Variants in CHD1L observed in about 807,000 individuals in gnomAD.
CHD1L encodes the protein chromodomain helicase DNA binding protein 1 like.
Under a neutral mutation model 115.9 loss-of-function variants are expected in CHD1L, and 118 were observed. That is an observed-to-expected ratio of 1.02 (90% CI 0.88 to 1.19). The LOEUF is 1.19. CHD1L is among the 50% of genes most tolerant of loss of function. The probability of loss-of-function intolerance (pLI) is 0.00; values close to 1 mark genes in which losing one functional copy is unlikely to be tolerated. For missense variants in CHD1L, 1,179 were observed against 1,065.3 expected (o/e 1.11, Z -1.49); for synonymous variants, 411 against 387.1 (o/e 1.06, Z -0.72).
chr1:147,235,468 A>C, the CHD1L span, among the ~76,000 whole-genome samples: 1 of 152,062 alleles, frequency 6.6e-6, no homozygotes, highest in African/African-American at 2.4e-5. Context: ...TTTCAGAAGC[A>C]CTCTGATTGT....
At chr1:147,203,462 G>C in the CHD1L span, 7 of 829,114 alleles carry the variant, frequency 8.4e-6, no homozygotes, top group Non-Finnish European at 1.5e-5. Flanking sequence ...GTTACAGCAG[G>C]GACTACAGCC....
At chr1:147,179,386 A>G in the CHD1L span, 3 of 1,599,314 alleles carry the variant, frequency 1.9e-6, no homozygotes, top group Non-Finnish European at 2.6e-6. Context: ...GAAGCTCAGC[A>G]AAGACCTGAA....
chr1:147,291,747 C>G (rs868974979), intron 20 of CHD1L, among the ~76,000 whole-genome samples, 195 bp downstream of exon 20: 5 of 152,240 alleles, frequency 3.3e-5, no homozygotes, highest in Middle Eastern at 3.4e-3. Context: ...AGTCCAAGAT[C>G]AAGGTATCGG....
chr1:147,204,329 T>A, the CHD1L span: 2 of 960,124 alleles, frequency 2.1e-6, no homozygotes, highest in Non-Finnish European at 1.7e-6. Context: ...CAAACTCTGA[T>A]GTTATCAACT....
intron 1 of CHD1L, 189 bp downstream of exon 1, chr1:147,243,019 C>T (rs1665278186): frequency 1.6e-6 from 1 of 624,010 alleles, no homozygotes; most frequent in Non-Finnish European, 2.3e-6. Flanking sequence ...CCCGCCTGCG[C>T]GGCGCGCGGG....
chr1:147,290,439 C>A (rs1685062561), intron 19 of CHD1L, among the ~76,000 whole-genome samples: 2 of 152,126 alleles, frequency 1.3e-5, no homozygotes, highest in African/African-American at 2.4e-5. Context: ...AATCAGTTAT[C>A]CTTGGCTACA....
At chr1:147,202,309 G>GTCTTTT in the CHD1L span, among the ~76,000 whole-genome samples, 3 of 118,434 alleles carry the variant, frequency 2.5e-5, no homozygotes, top group Non-Finnish European at 5.1e-5. Flanking sequence ...CTAAAAAGCA[G>GTCTTTT]TTCTTTTTTT....
Position 147,293,641 on chromosome 1 carries a change from T to C in CHD1L, c.2425T>C (p.Ser809Pro), listed in dbSNP as rs1553973045. The C allele has an allele frequency of 6.2e-7, 1 of 1,614,138 alleles. No homozygotes were observed. The highest frequency in any genetic ancestry group is 2.2e-5 in the East Asian group (1 of 44,880). ...ALIVAQHRDR[S>P]NVLSGIKMAA... The stretch of plus-strand genomic sequence containing the variant: ...GATTGTGGCTCAGCATCGTGATCGT[T>C]CCAATGTCCTGTCTGGCATTAAGAT... The change falls in exon 21 of 23, where the codon TCC becomes CCC. Residue 809 changes from serine to proline, a missense_variant. By Grantham distance (74) the Ser-to-Pro change is moderately conservative (BLOSUM62 -1). Transcript: ENST00000369258.
In CHD1L at chr1:147,255,041, G is replaced by T. The variant is rs376740781; in HGVS notation, c.347+65G>T. On this transcript the variant is annotated intron_variant, in intron 3 of 22. Transcript: ENST00000369258. ...GATTAAGATTTTTTTTCTGGATGAT[G>T]TATAAAATATGATAAAACAACCTAT... 8 of 1,222,724 alleles carry T rather than the reference G, an allele frequency of 6.5e-6. No homozygotes were observed. In the African/African-American group the frequency reaches 7.6e-5, roughly 12 times the overall value. 75.7% of individuals were successfully genotyped at this position (1,222,724 alleles called of 1,614,324 possible).
At chr1:147,291,613 T>TGTCC (rs1183570522) in intron 20 of CHD1L, 61 bp downstream of exon 20, 3 of 1,389,668 alleles carry the variant, frequency 2.2e-6, no homozygotes, top group African/African-American at 1.4e-5. Flanking sequence ...TCTCTTGAAG[T>TGTCC]GTCCCCTGCC....
chr1:147,272,106 T>G (rs1450299381), intron 11 of CHD1L, 65 bp from the exon 12 acceptor site: 3 of 1,424,596 alleles, frequency 2.1e-6, no homozygotes, highest in Non-Finnish European at 2.9e-6. Flanking sequence ...TTGGGCTTAA[T>G]TTTTTATTCC....
At chr1:147,275,496 C>G (rs1488049874) in intron 13 of CHD1L, 28 bp downstream of exon 13, 3 of 1,547,698 alleles carry the variant, frequency 1.9e-6, no homozygotes, top group Non-Finnish European at 2.7e-6. Flanking sequence ...GCTTCCTTGG[C>G]TTGCCCAGCA....
intron 16 of CHD1L, among the ~76,000 whole-genome samples, chr1:147,284,793 C>T (rs1305270255): frequency 6.6e-6 from 1 of 152,116 alleles, no homozygotes; most frequent in Non-Finnish European, 1.5e-5. Flanking sequence ...AATACCATAT[C>T]CTGCTGTTGG....
intron 21 of CHD1L, 84 bp downstream of exon 21, chr1:147,293,806 C>T (rs1686516746): frequency 8.9e-7 from 1 of 1,118,112 alleles, no homozygotes; most frequent in East Asian, 2.4e-5. Context: ...TAAGAAATGT[C>T]AAGATCCCAC....
At chr1:147,187,057 T>G in the CHD1L span, 1 of 1,614,146 alleles carries the variant, frequency 6.2e-7, no homozygotes, top group South Asian at 1.1e-5. Flanking sequence ...TCGAGCCCCA[T>G]CCCACTTTCC....
chr1:147,256,882 C>T (rs60243104), intron 5 of CHD1L, among the ~76,000 whole-genome samples: 1,942 of 152,284 alleles, frequency 0.013, 40 homozygotes, highest in African/African-American at 0.045. Context: ...AGATATTAGG[C>T]TCTTTACATG....
At position 147,271,403 on chromosome 1, in the gene CHD1L, CAAAT is replaced by C. The variant is rs1302255475; in HGVS notation, c.1159+401_1159+404del. Among the ~76,000 whole-genome samples the C allele has an allele frequency of 5.3e-5, 8 of 152,228 alleles. No homozygotes were observed. The Middle Eastern group carries it at 0.01, about 194-fold the overall frequency. On this transcript the variant is annotated intron_variant, in intron 11 of 22. Coordinates refer to ENST00000369258, the MANE Select transcript of CHD1L (RefSeq NM_004284.6). ...GTGAATATTGAAATTATAGAGATAA[CAAAT>C]AAGCCAGGGGAAAAGTAAGAGCAAC...
chr1:147,242,604 C>A (rs1323924811), upstream of CHD1L: 9 of 1,164,426 alleles, frequency 7.7e-6, no homozygotes, highest in South Asian at 1.3e-4. Flanking sequence ...GCGCCTCGCT[C>A]GTAGGTGGGC....
the CHD1L span, among the ~76,000 whole-genome samples, chr1:147,207,631 A>G: frequency 6.6e-6 from 1 of 152,164 alleles, no homozygotes; most frequent in Non-Finnish European, 1.5e-5. Flanking sequence ...CTCAGTTTTT[A>G]TATTTGTAAA....
Sources: gnomAD v4.1 joint callset for allele counts (sites outside exome capture counted in the v4.1 genomes callset) on GRCh38, gnomAD v4.1.1 for gene constraint, MANE v1.5 for transcripts, NCBI Gene and HGNC (gene_info 2026-07-23, HGNC 2026-07-21) for gene names.